POU6F2: variants seen among roughly 807,000 people sequenced by gnomAD.
POU6F2 encodes POU domain, class 6, transcription factor 2.
Under a neutral mutation model 71.3 loss-of-function variants are expected in POU6F2, and 31 were observed. That is an observed-to-expected ratio of 0.43 (90% CI 0.33 to 0.59). POU6F2 has a LOEUF of 0.59. POU6F2 is among the 20% of genes least tolerant of loss of function. The pLI, the probability that POU6F2 is intolerant of heterozygous loss-of-function variation, is 0.04. For synonymous variants in POU6F2, 347 were observed against 355.7 expected (o/e 0.98, Z 0.27); for missense variants, 783 against 856.8 (o/e 0.91, Z 1.07).
intron 5 of POU6F2, among the ~76,000 whole-genome samples, chr7:39,404,236 G>A (rs1169467787): frequency 3.3e-5 from 5 of 152,202 alleles, no homozygotes. Flanking sequence ...CCACTTTTAA[G>A]TAGAGACTTT....
chr7:39,051,732 G>A (rs1584518060), intron 1 of POU6F2, among the ~76,000 whole-genome samples: 2 of 152,208 alleles, frequency 1.3e-5, no homozygotes, highest in Admixed American at 1.3e-4. Flanking sequence ...ACAGTTACTA[G>A]AGCATGTTCT....
chr7:39,165,000 T>A (rs925707485), intron 2 of POU6F2, among the ~76,000 whole-genome samples: 3 of 152,316 alleles, frequency 2.0e-5, no homozygotes, highest in African/African-American at 7.2e-5. Flanking sequence ...TTTGAAGTCA[T>A]CCTTGGCCTA....
intron 2 of POU6F2, among the ~76,000 whole-genome samples, chr7:39,138,203 G>A (rs1162342142): frequency 1.3e-5 from 2 of 152,166 alleles, no homozygotes; most frequent in African/African-American, 4.8e-5. Flanking sequence ...ACTTATAGGT[G>A]GATGTTGGTG....
intron 2 of POU6F2, among the ~76,000 whole-genome samples, chr7:39,153,189 TTA>T (rs151065351): frequency 1.1e-4 from 17 of 151,136 alleles, no homozygotes; most frequent in Admixed American, 5.9e-4. Flanking sequence ...AGAAAAGATT[TTA>T]TATATATATA....
At chr7:39,190,963 A>T (rs987969812) in intron 2 of POU6F2, among the ~76,000 whole-genome samples, 19 of 152,016 alleles carry the variant, frequency 1.2e-4, no homozygotes, top group African/African-American at 4.6e-4. Flanking sequence ...AAGGCATTTT[A>T]CCCAACTGCC....
intron 4 of POU6F2, among the ~76,000 whole-genome samples, chr7:39,319,285 A>G (rs974429610): frequency 1.3e-5 from 2 of 152,172 alleles, no homozygotes; most frequent in Admixed American, 6.5e-5. Context: ...CTCCTCCTCT[A>G]TCTTTAGTTT....
At chr7:39,454,173 A>G (rs1788729357) in intron 8 of POU6F2, among the ~76,000 whole-genome samples, 1 of 152,218 alleles carries the variant, frequency 6.6e-6, no homozygotes, top group African/African-American at 2.4e-5. Flanking sequence ...ATGAAGAGGT[A>G]CGCAGGGCAA....
chr7:39,314,453 A>C (rs1785225079), intron 4 of POU6F2, among the ~76,000 whole-genome samples: 1 of 152,190 alleles, frequency 6.6e-6, no homozygotes, highest in South Asian at 2.1e-4. Flanking sequence ...AAGATTCTAA[A>C]AAGCATTGAG....
intron 2 of POU6F2, among the ~76,000 whole-genome samples, chr7:39,114,576 G>T (rs372016838): frequency 6.6e-6 from 1 of 151,686 alleles, no homozygotes; most frequent in Non-Finnish European, 1.5e-5. Context: ...TAATAAAAAG[G>T]TGATTTTTTT....
chr7:39,199,611 G>C (rs988185573), intron 2 of POU6F2, among the ~76,000 whole-genome samples: 14 of 152,104 alleles, frequency 9.2e-5, no homozygotes, highest in Non-Finnish European at 1.3e-4. Flanking sequence ...AGTGTGGGAG[G>C]CTTGGTCCTC....
intron 1 of POU6F2, among the ~76,000 whole-genome samples, chr7:38,989,344 AAAT>A (rs1442140788): frequency 2.6e-5 from 4 of 152,082 alleles, no homozygotes; most frequent in Non-Finnish European, 4.4e-5. Flanking sequence ...TTCTTTTGTT[AAAT>A]AATAATTATT....
chr7:39,104,371 G>T (rs1458665507), intron 2 of POU6F2, among the ~76,000 whole-genome samples: 2 of 152,204 alleles, frequency 1.3e-5, no homozygotes, highest in East Asian at 3.9e-4. Flanking sequence ...GCAGGTTTTG[G>T]GTGGAGGGCT....
At chr7:39,250,147 G>T (rs757544037) in intron 4 of POU6F2, among the ~76,000 whole-genome samples, 1 of 152,048 alleles carries the variant, frequency 6.6e-6, no homozygotes, top group Non-Finnish European at 1.5e-5. Flanking sequence ...ATTTTCACGT[G>T]TCTTATTCAG....
chr7:39,403,187 A>G (rs1787343834), intron 5 of POU6F2, among the ~76,000 whole-genome samples: 2 of 152,200 alleles, frequency 1.3e-5, no homozygotes, highest in Non-Finnish European at 1.5e-5. Context: ...GCATAAAACT[A>G]CTTCAAAAAA....
chr7:39,310,673 C>T (rs935592754), intron 4 of POU6F2, among the ~76,000 whole-genome samples: 2 of 152,192 alleles, frequency 1.3e-5, no homozygotes, highest in Non-Finnish European at 2.9e-5. Context: ...TTTTGTTCTC[C>T]TAGCCAGGAG....
rs540493841 is a variant in POU6F2 at position 39,414,642 on chromosome 7, G to T, written c.1113+7902G>T. ...ACGTCAGGGCCCCAGCAGAAGCGCCGGGCTGTGCGTCCTTAAGACTGCGGG... is the reference window on the plus strand; with the variant it reads ...ACGTCAGGGCCCCAGCAGAAGCGCCTGGCTGTGCGTCCTTAAGACTGCGGG... On this transcript the variant is annotated intron_variant, in intron 6 of 9. Coordinates refer to ENST00000518318, the MANE Select transcript of POU6F2 (RefSeq NM_001370959.1). 3.4e-4 allele frequency among the ~76,000 whole-genome samples: 52 copies of T among 152,312 alleles called. No homozygotes were observed. In the South Asian group the frequency reaches 7.7e-3, roughly 22 times the overall value.
chr7:39,268,671 C>T (rs932951170), intron 4 of POU6F2, among the ~76,000 whole-genome samples: 4 of 152,194 alleles, frequency 2.6e-5, no homozygotes, highest in African/African-American at 4.8e-5. Flanking sequence ...CAGACACTCA[C>T]GCTCATGGAA....
chr7:39,134,995 TA>T (rs1393040469), intron 2 of POU6F2, among the ~76,000 whole-genome samples: 2 of 149,618 alleles, frequency 1.3e-5, no homozygotes, highest in African/African-American at 4.9e-5. Flanking sequence ...AAGAGAACAA[TA>T]AAAGAAAATG....
intron 2 of POU6F2, among the ~76,000 whole-genome samples, chr7:39,110,764 C>T (rs1474524551): frequency 6.6e-6 from 1 of 152,154 alleles, no homozygotes; most frequent in Non-Finnish European, 1.5e-5. Flanking sequence ...ATGAGTGAAG[C>T]TCTAATATAT....
Sources: allele counts gnomAD v4.1 joint callset (sites outside exome capture counted in the v4.1 genomes callset), GRCh38; gene constraint gnomAD v4.1.1; transcripts MANE v1.5; gene names NCBI Gene and HGNC (gene_info 2026-07-23, HGNC 2026-07-21).